The following NFIL3 variants were observed in gnomAD, a reference collection of about 807,000 sequenced individuals.
The protein encoded by NFIL3 is nuclear factor interleukin-3-regulated protein.
Under a neutral mutation model 10.0 loss-of-function variants are expected in NFIL3, and 5 were observed. The ratio of observed to expected loss-of-function variants is 0.50; its 90% CI spans 0.26 to 1.06. The LOEUF (loss-of-function observed/expected upper bound fraction) is 1.06. NFIL3 is among the 50% of genes least tolerant of loss of function. The probability of loss-of-function intolerance (pLI) is 0.13; values close to 1 mark genes in which losing one functional copy is unlikely to be tolerated. For missense variants in NFIL3, 436 were observed against 547.6 expected (o/e 0.80, Z 2.03); for synonymous variants, 202 against 206.5 (o/e 0.98, Z 0.19).
chr9:91,465,874 C>A, the NFIL3 span, among the ~76,000 whole-genome samples: 2 of 152,070 alleles, frequency 1.3e-5, no homozygotes, highest in Non-Finnish European at 2.9e-5. Context: ...TTTAACCTTT[C>A]ATAAGTACTT....
At chr9:91,464,721 G>C in the NFIL3 span, among the ~76,000 whole-genome samples, 1 of 152,018 alleles carries the variant, frequency 6.6e-6, no homozygotes, top group Non-Finnish European at 1.5e-5. Flanking sequence ...TTTTCTGTTT[G>C]TGTTTGTCTT....
At chr9:91,465,203 C>T in the NFIL3 span, among the ~76,000 whole-genome samples, 7 of 152,080 alleles carry the variant, frequency 4.6e-5, no homozygotes, top group Non-Finnish European at 8.8e-5. Context: ...CTTTTCTTCT[C>T]TTTTGATATT....
At chr9:91,465,639 G>T in the NFIL3 span, among the ~76,000 whole-genome samples, 2 of 151,898 alleles carry the variant, frequency 1.3e-5, no homozygotes, top group Non-Finnish European at 1.5e-5. Flanking sequence ...CTTGTAGTGT[G>T]TGCATTTTTT....
At chr9:91,419,816 G>A (rs1833724737) in intron 1 of NFIL3, among the ~76,000 whole-genome samples, 1 of 152,226 alleles carries the variant, frequency 6.6e-6, no homozygotes, top group African/African-American at 2.4e-5. Flanking sequence ...TCTTACTGAA[G>A]CCCTGACCTA....
At chr9:91,427,766 A>G (rs1833886704), upstream of NFIL3, among the ~76,000 whole-genome samples, 1 of 152,052 alleles carries the variant, frequency 6.6e-6, no homozygotes, top group South Asian at 2.1e-4. Context: ...TCAGCCTTCC[A>G]AGTAGCTGGG....
the NFIL3 span, among the ~76,000 whole-genome samples, chr9:91,441,684 G>A: frequency 1.2e-4 from 19 of 152,058 alleles, no homozygotes; most frequent in African/African-American, 4.3e-4. Context: ...TGGCTTTGTG[G>A]TTACCATGAG....
the NFIL3 span, among the ~76,000 whole-genome samples, chr9:91,479,576 C>T: frequency 6.6e-6 from 1 of 152,218 alleles, no homozygotes; most frequent in Non-Finnish European, 1.5e-5. Context: ...TCTTAGCTTG[C>T]TGGGCTCTGT....
At chr9:91,471,270 T>C in the NFIL3 span, among the ~76,000 whole-genome samples, 1 of 152,136 alleles carries the variant, frequency 6.6e-6, no homozygotes. Flanking sequence ...TTTACCATTA[T>C]GTAATGGCCT....
chr9:91,441,470 A>G, the NFIL3 span, among the ~76,000 whole-genome samples: 7 of 152,144 alleles, frequency 4.6e-5, no homozygotes, highest in African/African-American at 1.7e-4. Flanking sequence ...AAGCCACTCT[A>G]TGTCTTTTGG....
the NFIL3 span, among the ~76,000 whole-genome samples, chr9:91,474,277 G>T: frequency 3.3e-5 from 5 of 152,040 alleles, no homozygotes; most frequent in African/African-American, 1.2e-4. Flanking sequence ...GACCTGTCTT[G>T]CACACCTGTA....
At chr9:91,423,999 C>G (rs1326600435), upstream of NFIL3, 4 of 147,780 alleles carry the variant, frequency 2.7e-5, no homozygotes, top group Admixed American at 2.0e-4. Flanking sequence ...CCCCGCCTCC[C>G]CGCCCTCAGC....
the NFIL3 span, among the ~76,000 whole-genome samples, chr9:91,471,018 T>C: frequency 2.0e-5 from 3 of 152,200 alleles, no homozygotes; most frequent in Admixed American, 6.5e-5. Flanking sequence ...TGGAGGGTTA[T>C]GTAGATGTCT....
the NFIL3 span, among the ~76,000 whole-genome samples, chr9:91,451,295 T>C: frequency 1.1e-4 from 16 of 152,336 alleles, no homozygotes; most frequent in African/African-American, 3.8e-4. Flanking sequence ...AGAATTTCTA[T>C]TGATCTATAA....
the NFIL3 span, among the ~76,000 whole-genome samples, chr9:91,465,969 A>G: frequency 1.3e-5 from 2 of 151,782 alleles, no homozygotes; most frequent in Non-Finnish European, 2.9e-5. Flanking sequence ...ATGGTAGTAA[A>G]GGGTGTGGTG....
chr9:91,435,665 T>C, the NFIL3 span, among the ~76,000 whole-genome samples: 1 of 152,206 alleles, frequency 6.6e-6, no homozygotes, highest in African/African-American at 2.4e-5. Flanking sequence ...GTGAGGACTA[T>C]GATTTTGCCA....
chr9:91,477,080 T>G, the NFIL3 span, among the ~76,000 whole-genome samples: 2 of 152,192 alleles, frequency 1.3e-5, no homozygotes, highest in African/African-American at 4.8e-5. Flanking sequence ...CTCACAGTTC[T>G]GTTGTCCAGA....
chr9:91,460,259 G>A, the NFIL3 span, among the ~76,000 whole-genome samples: 1 of 105,092 alleles, frequency 9.5e-6, no homozygotes, highest in Non-Finnish European at 1.8e-5. Context: ...CATGGGCAAG[G>A]AGGGCTTGGT....
chr9:91,444,694 C>G, the NFIL3 span, among the ~76,000 whole-genome samples: 840 of 152,138 alleles, frequency 5.5e-3, 30 homozygotes, highest in Admixed American at 0.049. Flanking sequence ...GCTTCTTTAC[C>G]TGTGATGAAC....
At chr9:91,451,457 G>C in the NFIL3 span, among the ~76,000 whole-genome samples, 1 of 152,084 alleles carries the variant, frequency 6.6e-6, no homozygotes, top group South Asian at 2.1e-4. Context: ...ATCACCACTA[G>C]GGCCTCTAGC....
Sources: gnomAD v4.1 joint callset for allele counts (sites outside exome capture counted in the v4.1 genomes callset) on GRCh38, gnomAD v4.1.1 for gene constraint, MANE v1.5 for transcripts, NCBI Gene and HGNC (gene_info 2026-07-23, HGNC 2026-07-21) for gene names.